ROBO1: variants seen among roughly 807,000 people sequenced by gnomAD.
ROBO1 encodes roundabout homolog 1.
A neutral mutation model predicts 195.9 loss-of-function variants in ROBO1; 149 were observed. That is an observed-to-expected ratio of 0.76 (90% CI 0.67 to 0.87). The LOEUF is 0.87. ROBO1 is among the 40% of genes least tolerant of loss of function. ROBO1 has a pLI of 0.00. For missense variants in ROBO1, 1,933 were observed against 2,068.3 expected, an observed-to-expected ratio of 0.93 and a Z score of 1.27; for synonymous variants, 816 against 733.2, an observed-to-expected ratio of 1.11 and a Z score of -1.82.
chr3:79,259,064 C>A (rs947285524), intron 2 of ROBO1, among the ~76,000 whole-genome samples: 6 of 151,856 alleles, frequency 4.0e-5, no homozygotes, highest in Non-Finnish European at 8.8e-5. Context: ...GGACAATTTG[C>A]TCTAAAATTT....
chr3:79,168,784 C>T (rs910236501), intron 2 of ROBO1, among the ~76,000 whole-genome samples: 3 of 152,058 alleles, frequency 2.0e-5, no homozygotes, highest in African/African-American at 4.8e-5. Flanking sequence ...TCAAGGGTTC[C>T]GGTCCTCAGA....
At chr3:78,621,513 A>T (rs1344721618) in intron 26 of ROBO1, among the ~76,000 whole-genome samples, 4 of 152,218 alleles carry the variant, frequency 2.6e-5, no homozygotes, top group Non-Finnish European at 4.4e-5. Flanking sequence ...ACCCTTTACA[A>T]ATATTGAAGA....
intron 2 of ROBO1, among the ~76,000 whole-genome samples, chr3:79,186,926 CT>C (rs2081450249): frequency 6.6e-6 from 1 of 152,070 alleles, no homozygotes; most frequent in Non-Finnish European, 1.5e-5. Flanking sequence ...GATGATTTAT[CT>C]GGGAAAGCTT....
In ROBO1 at chr3:78,635,924, G is replaced by A. The variant is rs550311971; in HGVS notation, c.3222C>T (p.Ala1074=). The A allele has an allele frequency of 1.9e-6, 3 of 1,613,902 alleles. No individual in the cohort carries two copies. Among genetic ancestry groups the A allele is most frequent in the Non-Finnish European group, 2.5e-6 (3 of 1,179,844 alleles). ...VNPSGQPTPY[A]TTQLIQSNLS... ...GGTTTGACTGGATGAGCTGAGTGGT[G>A]GCGTAAGGAGTAGGCTGCCCTGATG... Residue 1074 remains alanine, a synonymous_variant, in exon 23 of 31, where the codon GCC becomes GCT. Coordinates refer to ENST00000464233, the MANE Select transcript of ROBO1 (RefSeq NM_002941.4).
intron 2 of ROBO1, among the ~76,000 whole-genome samples, chr3:79,499,621 G>A (rs1939945196): frequency 6.6e-6 from 1 of 151,936 alleles, no homozygotes; most frequent in Non-Finnish European, 1.5e-5. Context: ...AATAAGATTC[G>A]AAACTTCTTT....
At position 79,458,968 on chromosome 3, in the gene ROBO1, A is replaced by G. The variant is rs7653089; in HGVS notation, c.88+130856T>C. 5.6e-3 allele frequency among the ~76,000 whole-genome samples: 849 copies of G among 152,298 alleles called. 9 individuals carry two copies. Among genetic ancestry groups the G allele is most frequent in the South Asian group, 0.012 (58 of 4,828 alleles). On this transcript the variant is annotated intron_variant, in intron 2 of 30. Coordinates refer to ENST00000464233, the MANE Select transcript of ROBO1 (RefSeq NM_002941.4). ...AAGCAATAAATTTAAACTAAAAAATATTTAAAAACTGAAAATTTATACTAT... is the reference window on the plus strand; with the variant it reads ...AAGCAATAAATTTAAACTAAAAAATGTTTAAAAACTGAAAATTTATACTAT...
intron 2 of ROBO1, among the ~76,000 whole-genome samples, chr3:79,211,467 G>T (rs373296605): frequency 6.6e-6 from 1 of 152,132 alleles, no homozygotes; most frequent in Non-Finnish European, 1.5e-5. Context: ...AGAGCTCTCT[G>T]CATGACCCAG....
chr3:79,637,684 G>A (rs954277553), intron 1 of ROBO1, among the ~76,000 whole-genome samples: 2 of 152,038 alleles, frequency 1.3e-5, no homozygotes, highest in Non-Finnish European at 2.9e-5. Context: ...TATATAAAGA[G>A]GATGGACTGT....
intron 4 of ROBO1, among the ~76,000 whole-genome samples, chr3:78,932,714 T>A (rs1201014003): frequency 2.0e-5 from 3 of 152,130 alleles, no homozygotes; most frequent in African/African-American, 7.2e-5. Flanking sequence ...TACCTGCTTA[T>A]AGGATCGTTC....
intron 4 of ROBO1, among the ~76,000 whole-genome samples, chr3:78,898,558 T>G (rs2037395974): frequency 6.6e-6 from 1 of 151,422 alleles, no homozygotes. Flanking sequence ...CGGCTAATTT[T>G]TTTGTATTTT....
chr3:78,826,469 A>G (rs2031613804), intron 4 of ROBO1, among the ~76,000 whole-genome samples: 1 of 152,130 alleles, frequency 6.6e-6, no homozygotes, highest in Admixed American at 6.5e-5. Context: ...ACTTCGGTGG[A>G]AAAACCTGAT....
At chr3:78,920,014 A>C (rs2107590060) in intron 4 of ROBO1, among the ~76,000 whole-genome samples, 1 of 152,378 alleles carries the variant, frequency 6.6e-6, no homozygotes, top group East Asian at 1.9e-4. Flanking sequence ...AAACAATCCT[A>C]ACATTGTACT....
chr3:79,752,040 G>T (rs1253437185), intron 1 of ROBO1, among the ~76,000 whole-genome samples: 4 of 152,080 alleles, frequency 2.6e-5, no homozygotes, highest in Non-Finnish European at 1.5e-5. Context: ...TTATAGTAGG[G>T]TATTTTTATT....
chr3:79,711,127 A>C (rs1376982630), intron 1 of ROBO1, among the ~76,000 whole-genome samples: 1 of 152,202 alleles, frequency 6.6e-6, no homozygotes, highest in Non-Finnish European at 1.5e-5. Flanking sequence ...AATGTAAAGA[A>C]TATGAATCTA....
chr3:79,508,222 G>C (rs28604347), intron 2 of ROBO1, among the ~76,000 whole-genome samples: 56,711 of 151,714 alleles, frequency 0.37, 11,203 homozygotes, highest in East Asian at 0.5. Context: ...CCTGCACGTT[G>C]TGCACATGTA....
chr3:79,484,755 CTTTTTTTTTT>C (rs1158213253), intron 2 of ROBO1, among the ~76,000 whole-genome samples: 1 of 66,884 alleles, frequency 1.5e-5, no homozygotes, highest in Non-Finnish European at 2.7e-5. Flanking sequence ...ATTGCACTAT[CTTTTTTTTTT>C]TTTTTTTGAG....
chr3:78,883,445 G>A (rs2036306210), intron 4 of ROBO1, among the ~76,000 whole-genome samples: 1 of 152,038 alleles, frequency 6.6e-6, no homozygotes, highest in Non-Finnish European at 1.5e-5. Flanking sequence ...GCAGTGGCAT[G>A]ATCAAAACTC....
At chr3:79,452,285 A>C (rs2039469113) in intron 2 of ROBO1, among the ~76,000 whole-genome samples, 1 of 152,016 alleles carries the variant, frequency 6.6e-6, no homozygotes, top group African/African-American at 2.4e-5. Flanking sequence ...AATAAACCAC[A>C]TGGGGCCCAT....
intron 2 of ROBO1, among the ~76,000 whole-genome samples, chr3:79,256,949 G>A (rs572999496): frequency 4.6e-5 from 7 of 152,198 alleles, no homozygotes; most frequent in African/African-American, 1.2e-4. Context: ...AGTTTGGTAC[G>A]TGGTATTCAA....
Sources: allele counts gnomAD v4.1 joint callset (sites outside exome capture counted in the v4.1 genomes callset), GRCh38; gene constraint gnomAD v4.1.1; transcripts MANE v1.5; gene names NCBI Gene and HGNC (gene_info 2026-07-23, HGNC 2026-07-21).